Variants in OXNAD1 observed in about 807,000 individuals in gnomAD.
OXNAD1 encodes oxidoreductase NAD-binding domain-containing protein 1.
Under a neutral mutation model 32.9 loss-of-function variants are expected in OXNAD1, and 34 were observed. The observed-to-expected ratio is 1.03, with a 90% CI of 0.79 to 1.38. The LOEUF is 1.38. Ranked by LOEUF, OXNAD1 falls within the 40% of genes most tolerant of loss-of-function variation. The pLI is 0.00. For missense variants in OXNAD1, 407 were observed against 379.4 expected, an observed-to-expected ratio of 1.07 and a Z score of -0.60; for synonymous variants, 134 against 135.2, an observed-to-expected ratio of 0.99 and a Z score of 0.06.
chr3:16,268,313 CTTTTTTTTTTTTTTT>C (rs531751365), intron 1 of OXNAD1, among the ~76,000 whole-genome samples: 881 of 61,034 alleles, frequency 0.014, 13 homozygotes, highest in African/African-American at 0.04. Flanking sequence ...AAGAGAACTC[CTTTTTTTTTTTTTTT>C]TTTTTTTTTT....
chr3:16,315,759 A>C (rs1372793840), intron 9 of OXNAD1: 2 of 152,218 alleles, frequency 1.3e-5, no homozygotes, highest in African/African-American at 4.8e-5. Context: ...AGGAGTTAGA[A>C]ACTTATAGTG....
intron 5 of OXNAD1, among the ~76,000 whole-genome samples, chr3:16,291,481 A>G (rs842270): frequency 0.59 from 89,816 of 151,950 alleles, 26,730 homozygotes; most frequent in African/African-American, 0.66. Flanking sequence ...TGTCTCTTAT[A>G]GACATTTTAT....
In OXNAD1 at chr3:16,294,941, A is replaced by T; in HGVS notation, c.376A>T (p.Ile126Leu). Residue 126 changes from isoleucine to leucine, a missense_variant, in exon 6 of 9, where the codon ATA (isoleucine) becomes TTA (leucine). Physicochemically the swap from Ile to Leu is conservative, Grantham distance 5. Transcript: ENST00000285083. ...CAGACTGCTAGAACAAGAGAGAGTG[A>T]TAGAATTGGCAGTGAAATATACGAA... ...SPRLLEQERV[I>L]ELAVKYTNHP... is the part of the protein sequence containing the mutation. The T allele has an allele frequency of 6.2e-7, 1 of 1,613,474 alleles. No homozygotes were observed. The highest frequency in any genetic ancestry group is 8.5e-7 in the Non-Finnish European group (1 of 1,179,674).
In OXNAD1 at chr3:16,316,551, G is replaced by A. The variant is rs528658016; in HGVS notation, c.*30+12959G>A. On this transcript the variant is annotated intron_variant, in intron 9 of 9. Transcript: ENST00000435829. The surrounding 1 kb of genome is among the most constrained non-coding windows in gnomAD (Gnocchi z 4.5). ...AGACCCTCTGGCTGGAGGAGTGGTG[G>A]AGCCAGGACTGGGCCTTCAGCCATG... is the stretch of plus-strand genomic sequence containing the variant. 4.4e-4 allele frequency: 211 copies of A among 474,256 alleles called. 1 individual carries two copies. In the South Asian group the frequency reaches 4.6e-3, roughly 10 times the overall value. The allele number at this position is 474,256 out of a possible 1,614,324, so 29.4% of individuals were successfully genotyped here.
At chr3:16,281,132 T>TC (rs2065709139) in intron 4 of OXNAD1, among the ~76,000 whole-genome samples, 1 of 152,230 alleles carries the variant, frequency 6.6e-6, no homozygotes, top group African/African-American at 2.4e-5. Flanking sequence ...AAATATGTGG[T>TC]CTTCAAAAAG....
At chr3:16,323,082 C>T (rs1262335113) in intron 9 of OXNAD1, among the ~76,000 whole-genome samples, 1 of 152,188 alleles carries the variant, frequency 6.6e-6, no homozygotes, top group African/African-American at 2.4e-5. Context: ...GACTTCGTGC[C>T]CTTCTTTTCA....
chr3:16,310,749 G>C (rs2067913169), downstream of OXNAD1, among the ~76,000 whole-genome samples: 1 of 152,030 alleles, frequency 6.6e-6, no homozygotes, highest in East Asian at 1.9e-4. Flanking sequence ...CAGCACTTTG[G>C]GAGGCCAAGG....
rs2066982174 is a variant in OXNAD1 at position 16,298,835 on chromosome 3, C to A, written c.433-2791C>A. Among the ~76,000 whole-genome samples the A allele has an allele frequency of 6.6e-6, 1 of 152,132 alleles. No individual in the cohort carries two copies. The highest frequency in any genetic ancestry group is 2.4e-5 in the African/African-American group (1 of 41,428). On this transcript the variant is annotated intron_variant, in intron 6 of 8. Coordinates refer to ENST00000285083, the MANE Select transcript of OXNAD1 (RefSeq NM_138381.5). This position sits in a 1 kb window ranked among gnomAD's most constrained non-coding sequence, Gnocchi z 5.1. ...ATCTATACCAAAATTAGATACATTG[C>A]TGTGTAATTGAAGGTAATGTCCTTT...
Position 16,301,565 on chromosome 3 carries a change from G to T in OXNAD1, c.433-61G>T. ...AGATAGACCCAGTTTTATTAAAGTA[G>T]AACATTTGGTTTAAGACCTTTGCTA... On this transcript the variant is annotated intron_variant, in intron 6 of 8. Coordinates refer to ENST00000285083, the MANE Select transcript of OXNAD1 (RefSeq NM_138381.5). The surrounding 1 kb of genome is among the most constrained non-coding windows in gnomAD (Gnocchi z 4.1). The T allele has an allele frequency of 6.3e-7, 1 of 1,581,382 alleles. No homozygotes were observed. Among genetic ancestry groups the T allele is most frequent in the South Asian group, 1.1e-5 (1 of 87,946 alleles).
rs1420955007 is a variant in OXNAD1 at position 16,280,487 on chromosome 3, C to T, written c.184-5855C>T. ...CAGATTCCTACACATCAGATTGATA[C>T]TCTGCTACCATTTAAATAATGTCTC... is the stretch of plus-strand genomic sequence containing the variant. On this transcript the variant is annotated intron_variant, in intron 4 of 8. Transcript: ENST00000285083. This position sits in a 1 kb window ranked among gnomAD's most constrained non-coding sequence, Gnocchi z 4.5. Among the ~76,000 whole-genome samples, 1 of 151,678 alleles carries T rather than the reference C, an allele frequency of 6.6e-6. No individual in the cohort carries two copies. The highest frequency in any genetic ancestry group is 1.5e-5 in the Non-Finnish European group (1 of 67,978).
intron 9 of OXNAD1, among the ~76,000 whole-genome samples, chr3:16,319,604 G>A (rs1177000842): frequency 6.6e-6 from 1 of 152,142 alleles, no homozygotes; most frequent in Non-Finnish European, 1.5e-5. Flanking sequence ...CTCTCTCCGG[G>A]GCTGCTCTTG....
intron 9 of OXNAD1, among the ~76,000 whole-genome samples, chr3:16,311,990 T>C (rs936411859): frequency 6.6e-6 from 1 of 152,186 alleles, no homozygotes; most frequent in Admixed American, 6.5e-5. Flanking sequence ...CACAGGTCTC[T>C]CCCGTAGCCT....
chr3:16,291,517 T>G (rs2066427822), intron 5 of OXNAD1, among the ~76,000 whole-genome samples: 1 of 152,238 alleles, frequency 6.6e-6, no homozygotes, highest in South Asian at 2.1e-4. Flanking sequence ...CAATACAGTG[T>G]GTGGTCTTTT....
intron 9 of OXNAD1, chr3:16,323,513 C>G: frequency 7.8e-7 from 1 of 1,278,294 alleles, no homozygotes; most frequent in Non-Finnish European, 1.1e-6. Flanking sequence ...AACCCAAAAC[C>G]TGACACAGAT....
chr3:16,311,816 C>T (rs2068000665), intron 9 of OXNAD1, among the ~76,000 whole-genome samples: 1 of 152,196 alleles, frequency 6.6e-6, no homozygotes, highest in Non-Finnish European at 1.5e-5. Flanking sequence ...CTGATGTCAT[C>T]AGTGGCCTCC....
At position 16,348,699 on chromosome 3, in the gene OXNAD1, C is replaced by G. The variant is rs1350836753; in HGVS notation, c.*31-477C>G. Among the ~76,000 whole-genome samples the G allele has an allele frequency of 1.3e-5, 2 of 152,180 alleles. No individual in the cohort carries two copies. Among genetic ancestry groups the G allele is most frequent in the Non-Finnish European group, 2.9e-5 (2 of 68,030 alleles). Reference sequence around the variant, plus strand: ...TCAAAAAGTAGTCACTCTCTTTGAGCCTATGGAGTTTCCCAGTTCCCTGAG... The same window carrying G: ...TCAAAAAGTAGTCACTCTCTTTGAGGCTATGGAGTTTCCCAGTTCCCTGAG... On this transcript the variant is annotated intron_variant, in intron 9 of 9. Coordinates refer to the OXNAD1 transcript ENST00000606098. This position sits in a 1 kb window ranked among gnomAD's most constrained non-coding sequence, Gnocchi z 6.3.
intron 4 of OXNAD1, among the ~76,000 whole-genome samples, chr3:16,282,536 G>C (rs577751571): frequency 3.3e-5 from 5 of 152,074 alleles, no homozygotes; most frequent in Non-Finnish European, 5.9e-5. Flanking sequence ...TGCTGAATAT[G>C]GTCAGAAAGG....
chr3:16,282,243 T>C (rs940866830), intron 4 of OXNAD1, among the ~76,000 whole-genome samples: 3 of 151,906 alleles, frequency 2.0e-5, no homozygotes, highest in African/African-American at 7.3e-5. Context: ...TAAAAAAGAA[T>C]GTGTGGCAAA....
chr3:16,274,750 G>A (rs550635650), intron 4 of OXNAD1, among the ~76,000 whole-genome samples: 20 of 152,268 alleles, frequency 1.3e-4, no homozygotes, highest in African/African-American at 4.8e-4. Flanking sequence ...TGAACCTGAC[G>A]TCTGTTTCAG....
Sources: allele counts gnomAD v4.1 joint callset (sites outside exome capture counted in the v4.1 genomes callset), GRCh38; gene constraint gnomAD v4.1.1; non-coding constraint Gnocchi (gnomAD v3.1); transcripts MANE v1.5; gene names NCBI Gene and HGNC (gene_info 2026-07-23, HGNC 2026-07-21).